DENND1B: variants seen among roughly 807,000 people sequenced by gnomAD.
The protein encoded by DENND1B is DENN domain containing 1B.
In DENND1B, 59 loss-of-function variants were observed where a neutral mutation model predicts 90.1. The ratio of observed to expected loss-of-function variants is 0.65; its 90% CI spans 0.53 to 0.81. The LOEUF (loss-of-function observed/expected upper bound fraction) is 0.81, where lower values mean the gene tolerates loss of function less well. Among genes scored for constraint, DENND1B ranks in the 40% least tolerant of loss-of-function variants. The probability of loss-of-function intolerance (pLI) is 0.00; values close to 1 mark genes in which losing one functional copy is unlikely to be tolerated. For missense variants in DENND1B, 862 were observed against 912.6 expected, an observed-to-expected ratio of 0.94 and a Z score of 0.71; for synonymous variants, 337 against 324.6, an observed-to-expected ratio of 1.04 and a Z score of -0.41.
At chr1:197,622,816 T>C (rs914770595) in intron 10 of DENND1B, among the ~76,000 whole-genome samples, 2 of 151,500 alleles carry the variant, frequency 1.3e-5, no homozygotes, top group African/African-American at 4.8e-5. Flanking sequence ...TGTTCCTTCT[T>C]CTTAAACTAT....
chr1:197,556,547 T>C (rs531636524), intron 15 of DENND1B, among the ~76,000 whole-genome samples: 38 of 152,054 alleles, frequency 2.5e-4, no homozygotes, highest in South Asian at 6.2e-4. Context: ...ACAAGGACCA[T>C]ACATTACCCA....
At chr1:197,552,832 T>C in intron 16 of DENND1B, 190 bp downstream of exon 16, 1 of 1,342,546 alleles carries the variant, frequency 7.4e-7, no homozygotes, top group Non-Finnish European at 9.5e-7. Flanking sequence ...ACTTAATGCC[T>C]TGAGTAACAG....
chr1:197,690,529 A>G, intron 3 of DENND1B: 1 of 199,408 alleles, frequency 5.0e-6, no homozygotes, highest in Non-Finnish European at 1.0e-5. Flanking sequence ...ACTGTTCATA[A>G]TATGAGACAG....
At chr1:197,782,124 G>A in the DENND1B span, among the ~76,000 whole-genome samples, 3 of 152,138 alleles carry the variant, frequency 2.0e-5, no homozygotes, top group African/African-American at 4.8e-5. Context: ...GGTAATCAGT[G>A]GAGTCAAATT....
chr1:197,639,762 T>C (rs1485105996), intron 10 of DENND1B, among the ~76,000 whole-genome samples: 2 of 152,090 alleles, frequency 1.3e-5, no homozygotes, highest in East Asian at 3.8e-4. Flanking sequence ...AAATTACTTT[T>C]AATTTATGTT....
chr1:197,568,777 T>C (rs189581444), intron 15 of DENND1B, among the ~76,000 whole-genome samples: 2 of 152,138 alleles, frequency 1.3e-5, no homozygotes, highest in East Asian at 1.9e-4. Flanking sequence ...AAGAATAAAA[T>C]AGGGCACTTA....
intron 10 of DENND1B, among the ~76,000 whole-genome samples, chr1:197,639,567 T>G (rs1302858992): frequency 1.3e-5 from 2 of 152,186 alleles, no homozygotes; most frequent in Non-Finnish European, 2.9e-5. Context: ...GAATTATGAA[T>G]GTTAGGCCAC....
At chr1:197,517,082 G>A (rs1223796976) in intron 20 of DENND1B, among the ~76,000 whole-genome samples, 1 of 151,706 alleles carries the variant, frequency 6.6e-6, no homozygotes, top group African/African-American at 2.4e-5. Flanking sequence ...TCTATAAGTG[G>A]GATTCAAATT....
At chr1:197,638,701 G>A (rs1465407897) in intron 10 of DENND1B, among the ~76,000 whole-genome samples, 1 of 152,132 alleles carries the variant, frequency 6.6e-6, no homozygotes, top group East Asian at 1.9e-4. Flanking sequence ...TTGAATACAC[G>A]AGAATCTAAT....
chr1:197,624,090 G>A (rs920774357), intron 10 of DENND1B, among the ~76,000 whole-genome samples: 4 of 151,458 alleles, frequency 2.6e-5, no homozygotes, highest in South Asian at 4.2e-4. Flanking sequence ...AGTTTCTATC[G>A]AGAAGCAAAA....
intron 2 of DENND1B, chr1:197,735,251 G>A: frequency 8.9e-7 from 1 of 1,121,896 alleles, no homozygotes; most frequent in Admixed American, 4.4e-5. Flanking sequence ...AATGATTACA[G>A]TACCAAATAC....
chr1:197,647,500 C>T (rs774522074), intron 7 of DENND1B, among the ~76,000 whole-genome samples: 1 of 152,160 alleles, frequency 6.6e-6, no homozygotes, highest in Non-Finnish European at 1.5e-5. Context: ...AAAATCTCCT[C>T]TAGTAGCTGA....
chr1:197,658,030 T>A (rs1271946170), intron 6 of DENND1B, among the ~76,000 whole-genome samples: 4 of 152,136 alleles, frequency 2.6e-5, no homozygotes. Context: ...TCCACTTATA[T>A]GAGATACATA....
intron 5 of DENND1B, among the ~76,000 whole-genome samples, chr1:197,662,576 A>G (rs1042129920): frequency 6.6e-6 from 1 of 152,016 alleles, no homozygotes; most frequent in African/African-American, 2.4e-5. Context: ...TTTTTAAAAA[A>G]TATATACTTT....
chr1:197,633,001 G>A (rs1679467450), intron 10 of DENND1B, among the ~76,000 whole-genome samples: 1 of 152,126 alleles, frequency 6.6e-6, no homozygotes, highest in African/African-American at 2.4e-5. Context: ...CCAAAACACA[G>A]CTAAATCTTT....
At chr1:197,577,475 T>C (rs1297100054) in intron 15 of DENND1B, among the ~76,000 whole-genome samples, 1 of 152,146 alleles carries the variant, frequency 6.6e-6, no homozygotes, top group African/African-American at 2.4e-5. Context: ...TATTACTATA[T>C]GAATGGTAGG....
chr1:197,671,149 C>T (rs1013797224), intron 5 of DENND1B, among the ~76,000 whole-genome samples: 4 of 152,126 alleles, frequency 2.6e-5, no homozygotes, highest in Non-Finnish European at 1.5e-5. Context: ...TATGTTATTT[C>T]ATAAATTGTT....
chr1:197,587,139 G>A (rs1571980148), intron 14 of DENND1B, among the ~76,000 whole-genome samples: 2 of 152,144 alleles, frequency 1.3e-5, no homozygotes, highest in African/African-American at 4.8e-5. Flanking sequence ...AGAATTATCT[G>A]TACAGACTTG....
At chr1:197,517,536 G>A (rs1032952147) in intron 20 of DENND1B, among the ~76,000 whole-genome samples, 5 of 151,750 alleles carry the variant, frequency 3.3e-5, no homozygotes, top group Admixed American at 6.6e-5. Context: ...TATACACATC[G>A]ATTTTCATTC....
Sources: allele counts gnomAD v4.1 joint callset (sites outside exome capture counted in the v4.1 genomes callset), GRCh38; gene constraint gnomAD v4.1.1; transcripts MANE v1.5; gene names NCBI Gene and HGNC (gene_info 2026-07-23, HGNC 2026-07-21).